The following EPHA5 variants were observed in gnomAD, a reference collection of about 807,000 sequenced individuals.
EPHA5 encodes ephrin type-A receptor 5.
EPHA5 carries 60 observed loss-of-function variants against 105.0 expected under a neutral mutation model. That is an observed-to-expected ratio of 0.57 (90% CI 0.46 to 0.71). EPHA5 has a LOEUF of 0.71. EPHA5 is among the 30% of genes least tolerant of loss of function. The pLI, the probability that EPHA5 is intolerant of heterozygous loss-of-function variation, is 0.00. For missense variants in EPHA5, 1,218 were observed against 1,274.7 expected (o/e 0.96, Z 0.68); for synonymous variants, 513 against 449.1 (o/e 1.14, Z -1.80).
At chr4:65,608,823 A>G (rs1485960258) in intron 2 of EPHA5, among the ~76,000 whole-genome samples, 1 of 152,200 alleles carries the variant, frequency 6.6e-6, no homozygotes, top group African/African-American at 2.4e-5. Flanking sequence ...CAACTGGCAT[A>G]CTAATTAGGG....
intron 14 of EPHA5, among the ~76,000 whole-genome samples, chr4:65,342,823 G>A (rs191124240): frequency 9.9e-5 from 15 of 151,966 alleles, no homozygotes; most frequent in African/African-American, 3.6e-4. Flanking sequence ...GGAATAGAAG[G>A]AGGAAGAGAG....
intron 16 of EPHA5, among the ~76,000 whole-genome samples, chr4:65,329,007 A>C (rs1331218574): frequency 6.6e-6 from 1 of 151,206 alleles, no homozygotes; most frequent in Non-Finnish European, 1.5e-5. Flanking sequence ...TAATATTTAA[A>C]TTGATTGGAT....
At chr4:65,478,604 A>G (rs765546749) in intron 5 of EPHA5, among the ~76,000 whole-genome samples, 58 of 151,934 alleles carry the variant, frequency 3.8e-4, no homozygotes, top group Non-Finnish European at 6.0e-4. Flanking sequence ...CCTGAGTAGC[A>G]GGGATTACAA....
chr4:65,392,857 A>T (rs986050018), intron 8 of EPHA5, among the ~76,000 whole-genome samples: 1 of 152,134 alleles, frequency 6.6e-6, no homozygotes, highest in Non-Finnish European at 1.5e-5. Flanking sequence ...ATAACTTATG[A>T]GTTATTTATT....
At chr4:65,407,556 G>T (rs552281669) in intron 7 of EPHA5, among the ~76,000 whole-genome samples, 10 of 151,676 alleles carry the variant, frequency 6.6e-5, no homozygotes, top group Non-Finnish European at 8.8e-5. Flanking sequence ...ACATCAAATC[G>T]CAAACATTAA....
chr4:65,590,988 G>A (rs1462352661), intron 3 of EPHA5, among the ~76,000 whole-genome samples: 1 of 151,992 alleles, frequency 6.6e-6, no homozygotes, highest in Non-Finnish European at 1.5e-5. Flanking sequence ...TTAAAATATG[G>A]TGGTTGTGTG....
Position 65,336,030 on chromosome 4 carries a change from C to T in EPHA5, c.2691G>A (p.Glu897=), listed in dbSNP as rs1378279423. 8.1e-6 allele frequency: 13 copies of T among 1,613,246 alleles called. No individual in the cohort carries two copies. Among genetic ancestry groups the T allele is most frequent in the Non-Finnish European group, 1.1e-5 (13 of 1,179,632 alleles). Residue 897 remains glutamate (E), a synonymous_variant, in exon 15 of 17, where the codon GAG becomes GAA. Coordinates refer to ENST00000613740, the MANE Select transcript of EPHA5 (RefSeq NM_001281766.3). ...YQLMLDCWQK[E]RNSRPKFDEI... ...CATCAAACTTGGGCCTGCTATTTCG[C>T]TCTTTCTGCCAGCAATCCAGCATTA...
chr4:65,606,463 T>G (rs2149449066), intron 2 of EPHA5, among the ~76,000 whole-genome samples: 1 of 152,302 alleles, frequency 6.6e-6, no homozygotes, highest in South Asian at 2.1e-4. Context: ...CGTCAGAATT[T>G]TATAAGAGCA....
At chr4:65,561,074 T>A (rs1738958977) in intron 3 of EPHA5, among the ~76,000 whole-genome samples, 1 of 151,916 alleles carries the variant, frequency 6.6e-6, no homozygotes, top group South Asian at 2.1e-4. Context: ...ACCAATTAAG[T>A]ATAGGAATTC....
At chr4:65,534,935 T>C (rs111437738) in intron 3 of EPHA5, among the ~76,000 whole-genome samples, 181 of 152,308 alleles carry the variant, frequency 1.2e-3, no homozygotes, top group African/African-American at 4.2e-3. Flanking sequence ...TATCTTTCAG[T>C]GGAAATGGAC....
intron 3 of EPHA5, among the ~76,000 whole-genome samples, chr4:65,574,689 CATATATATACATATATATACAT>C (rs1365298862): frequency 0.097 from 7,869 of 80,974 alleles, 434 homozygotes; most frequent in Admixed American, 0.15. Flanking sequence ...CATATATATA[CATATATATACATATATATACAT>C]ATATATATAC....
At chr4:65,521,038 A>G (rs796631953) in intron 3 of EPHA5, among the ~76,000 whole-genome samples, 14 of 151,964 alleles carry the variant, frequency 9.2e-5, no homozygotes, top group South Asian at 8.3e-4. Context: ...TATACCCAAA[A>G]GATTATAAAT....
At chr4:65,627,992 C>T (rs955505694) in intron 2 of EPHA5, among the ~76,000 whole-genome samples, 2 of 151,930 alleles carry the variant, frequency 1.3e-5, no homozygotes, top group African/African-American at 4.8e-5. Flanking sequence ...TGAAATAAAT[C>T]ACAAATTTAA....
intron 3 of EPHA5, among the ~76,000 whole-genome samples, chr4:65,556,201 T>C (rs1256103838): frequency 2.0e-5 from 3 of 152,112 alleles, no homozygotes; most frequent in African/African-American, 7.2e-5. Flanking sequence ...ATGGTAAGTG[T>C]GGATATGTTT....
At chr4:65,548,626 C>T (rs1737611621) in intron 3 of EPHA5, among the ~76,000 whole-genome samples, 1 of 152,082 alleles carries the variant, frequency 6.6e-6, no homozygotes, top group Admixed American at 6.6e-5. Context: ...GGAAAATGTT[C>T]CATGTTTCTG....
chr4:65,447,677 A>T (rs1159268201), intron 5 of EPHA5, among the ~76,000 whole-genome samples: 3 of 152,002 alleles, frequency 2.0e-5, no homozygotes, highest in Non-Finnish European at 2.9e-5. Context: ...AAAATGTTAA[A>T]TTATTTACCA....
chr4:65,497,395 T>C (rs1001830932), intron 3 of EPHA5, among the ~76,000 whole-genome samples: 1 of 152,158 alleles, frequency 6.6e-6, no homozygotes, highest in African/African-American at 2.4e-5. Flanking sequence ...AATGCTCTTA[T>C]AAATTCTGAG....
chr4:65,464,537 T>G (rs576311889), intron 5 of EPHA5, among the ~76,000 whole-genome samples: 8 of 152,216 alleles, frequency 5.3e-5, no homozygotes, highest in African/African-American at 1.9e-4. Flanking sequence ...AATTTTGATG[T>G]AACAACTTGT....
intron 3 of EPHA5, among the ~76,000 whole-genome samples, chr4:65,507,163 G>T (rs1733119765): frequency 6.6e-6 from 1 of 152,156 alleles, no homozygotes; most frequent in Admixed American, 6.6e-5. Context: ...GTTTGTCAAA[G>T]GTCAGATAGT....
Sources: allele counts gnomAD v4.1 joint callset (sites outside exome capture counted in the v4.1 genomes callset), GRCh38; gene constraint gnomAD v4.1.1; transcripts MANE v1.5; gene names NCBI Gene and HGNC (gene_info 2026-07-23, HGNC 2026-07-21).